Variants in RPS6KC1 observed in about 807,000 individuals in gnomAD.
RPS6KC1 encodes ribosomal protein S6 kinase C1.
RPS6KC1 carries 54 observed loss-of-function variants against 103.8 expected under a neutral mutation model. That is an observed-to-expected ratio of 0.52 (90% CI 0.42 to 0.65). RPS6KC1 has a LOEUF of 0.65. Among genes scored for constraint, RPS6KC1 ranks in the 30% least tolerant of loss-of-function variants. The pLI, the probability that RPS6KC1 is intolerant of heterozygous loss-of-function variation, is 0.00. For synonymous variants in RPS6KC1, 439 were observed against 438.7 expected (o/e 1.00, Z -0.01); for missense variants, 1,151 against 1,253.8 (o/e 0.92, Z 1.24).
At chr1:213,654,648 A>C in the RPS6KC1 span, among the ~76,000 whole-genome samples, 1 of 152,160 alleles carries the variant, frequency 6.6e-6, no homozygotes, top group Admixed American at 6.6e-5. Context: ...GAATGGCATG[A>C]GGGGAATTAA....
chr1:213,796,439 T>C, the RPS6KC1 span, among the ~76,000 whole-genome samples: 1 of 152,174 alleles, frequency 6.6e-6, no homozygotes, highest in Non-Finnish European at 1.5e-5. Flanking sequence ...ATGCCTTTTG[T>C]TCAGAGAGGC....
chr1:213,243,953 A>G (rs2094409015), intron 12 of RPS6KC1, among the ~76,000 whole-genome samples: 1 of 152,220 alleles, frequency 6.6e-6, no homozygotes, highest in Admixed American at 6.5e-5. Context: ...AGAGAATACC[A>G]AAGTTTTCCA....
chr1:213,086,655 A>T (rs1242890467), intron 3 of RPS6KC1, among the ~76,000 whole-genome samples: 1 of 152,090 alleles, frequency 6.6e-6, no homozygotes, highest in East Asian at 1.9e-4. Context: ...TTCTGTCCAG[A>T]CCCTGGCTGC....
the RPS6KC1 span, among the ~76,000 whole-genome samples, chr1:213,661,915 A>G: frequency 1.3e-5 from 2 of 152,202 alleles, no homozygotes; most frequent in African/African-American, 4.8e-5. Context: ...AGATATCACT[A>G]TTTTCATGTT....
the RPS6KC1 span, among the ~76,000 whole-genome samples, chr1:213,581,563 G>A: frequency 6.6e-6 from 1 of 152,048 alleles, no homozygotes; most frequent in Admixed American, 6.5e-5. Context: ...TTACCCATTG[G>A]CTCCAGGTCT....
the RPS6KC1 span, among the ~76,000 whole-genome samples, chr1:213,518,632 CGT>C: frequency 6.6e-6 from 1 of 152,256 alleles, no homozygotes; most frequent in East Asian, 1.9e-4. Flanking sequence ...AACTAAACAT[CGT>C]AAAACCTTCA....
the RPS6KC1 span, among the ~76,000 whole-genome samples, chr1:213,788,534 CT>C: frequency 7.2e-5 from 11 of 152,194 alleles, 1 homozygote; most frequent in South Asian, 2.3e-3. Context: ...ATTTCTTCCC[CT>C]GACTCCCTCC....
At chr1:213,611,178 A>G in the RPS6KC1 span, among the ~76,000 whole-genome samples, 1 of 151,988 alleles carries the variant, frequency 6.6e-6, no homozygotes, top group Admixed American at 6.6e-5. Flanking sequence ...ATTTTCTTTT[A>G]TGTGGAGGGA....
chr1:213,776,875 C>T, the RPS6KC1 span, among the ~76,000 whole-genome samples: 1 of 152,168 alleles, frequency 6.6e-6, no homozygotes, highest in Non-Finnish European at 1.5e-5. Flanking sequence ...GTAGTTTTTA[C>T]ATCAGTGCTT....
the RPS6KC1 span, among the ~76,000 whole-genome samples, chr1:213,542,671 G>T: frequency 6.6e-6 from 1 of 151,892 alleles, no homozygotes; most frequent in Non-Finnish European, 1.5e-5. Flanking sequence ...GAGTCTTAAG[G>T]GTTTCTTAAT....
intron 6 of RPS6KC1, among the ~76,000 whole-genome samples, chr1:213,153,506 A>G (rs1372981146): frequency 2.6e-5 from 4 of 152,182 alleles, no homozygotes; most frequent in Non-Finnish European, 4.4e-5. Flanking sequence ...CAGCTTTTAA[A>G]CATTTTGTTG....
At chr1:213,498,940 C>T in the RPS6KC1 span, among the ~76,000 whole-genome samples, 1 of 151,638 alleles carries the variant, frequency 6.6e-6, no homozygotes, top group Non-Finnish European at 1.5e-5. Flanking sequence ...CTGCCACGCT[C>T]AGCTGATTTT....
At chr1:213,299,948 G>C in the RPS6KC1 span, among the ~76,000 whole-genome samples, 1 of 152,122 alleles carries the variant, frequency 6.6e-6, no homozygotes, top group African/African-American at 2.4e-5. Context: ...GAGACTACAG[G>C]TGCCTGCCAC....
At chr1:213,515,377 T>C in the RPS6KC1 span, among the ~76,000 whole-genome samples, 1 of 152,256 alleles carries the variant, frequency 6.6e-6, no homozygotes, top group South Asian at 2.1e-4. Flanking sequence ...AACATTTAAG[T>C]CTTTAATCCA....
chr1:213,754,861 A>C, the RPS6KC1 span, among the ~76,000 whole-genome samples: 1 of 152,238 alleles, frequency 6.6e-6, no homozygotes, highest in East Asian at 1.9e-4. Context: ...AATCCATAAC[A>C]GTAGCTTAGA....
the RPS6KC1 span, among the ~76,000 whole-genome samples, chr1:213,656,973 A>G: frequency 6.6e-6 from 1 of 152,220 alleles, no homozygotes; most frequent in African/African-American, 2.4e-5. Context: ...CCCATATCAA[A>G]AAGATACTAT....
chr1:213,790,028 G>C, the RPS6KC1 span, among the ~76,000 whole-genome samples: 1 of 152,132 alleles, frequency 6.6e-6, no homozygotes, highest in Non-Finnish European at 1.5e-5. Flanking sequence ...TCTAGAAGGG[G>C]TTTCTTCCTT....
chr1:213,326,559 T>TC, the RPS6KC1 span, among the ~76,000 whole-genome samples: 1 of 152,236 alleles, frequency 6.6e-6, no homozygotes, highest in Non-Finnish European at 1.5e-5. Context: ...AGGCAGGTCT[T>TC]CACCTATTAC....
At chr1:213,051,531 G>C (rs201716224) in intron 1 of RPS6KC1, 22 bp downstream of exon 1, 6 of 1,561,242 alleles carry the variant, frequency 3.8e-6, no homozygotes, top group Non-Finnish European at 5.3e-6. Context: ...TGTCGGGCTG[G>C]GGTAGAGCTT....
Sources: gnomAD v4.1 joint callset for allele counts (sites outside exome capture counted in the v4.1 genomes callset) on GRCh38, gnomAD v4.1.1 for gene constraint, MANE v1.5 for transcripts, NCBI Gene and HGNC (gene_info 2026-07-23, HGNC 2026-07-21) for gene names.